Variants in LAT2 observed in about 807,000 individuals in gnomAD.
The protein encoded by LAT2 is linker for activation of T-cells family member 2.
LAT2 carries 23 observed loss-of-function variants against 43.4 expected under a neutral mutation model. The ratio of observed to expected loss-of-function variants is 0.53; its 90% CI spans 0.38 to 0.75. LAT2 has a LOEUF of 0.75. Ranked by LOEUF, LAT2 falls within the 30% of genes least tolerant of loss-of-function variation. The probability of loss-of-function intolerance (pLI) is 0.00; values close to 1 mark genes in which losing one functional copy is unlikely to be tolerated. For synonymous variants in LAT2, 128 were observed against 123.2 expected (o/e 1.04, Z -0.26); for missense variants, 284 against 310.2 (o/e 0.92, Z 0.64).
chr7:74,223,400 G>A (rs1275379247), intron 10 of LAT2, among the ~76,000 whole-genome samples: 8 of 152,314 alleles, frequency 5.3e-5, no homozygotes, highest in Admixed American at 3.9e-4. Flanking sequence ...TGCGGGGTAG[G>A]AAGATCGTTT....
intron 9 of LAT2, 66 bp from the exon 10 acceptor site, chr7:74,221,571 T>G (rs1554715264): frequency 4.4e-6 from 6 of 1,349,942 alleles, no homozygotes; most frequent in Non-Finnish European, 5.2e-6. Context: ...ACCGCCCCCT[T>G]ATGGAGCCCC....
intron 3 of LAT2, 73 bp from the exon 4 acceptor site, chr7:74,216,752 C>A: frequency 1.5e-6 from 2 of 1,308,682 alleles, no homozygotes; most frequent in Non-Finnish European, 2.2e-6. Context: ...GGAGACAAGA[C>A]ATGGCGGGGG....
rs1473384437 is a variant in LAT2 at position 74,216,026 on chromosome 7, G to A, written c.51G>A (p.Leu17=). Residue 17 remains leucine, a synonymous_variant, in exon 3 of 14, where the codon CTG becomes CTA. Coordinates refer to ENST00000460943, the MANE Select transcript of LAT2 (RefSeq NM_032464.3). ...GGCCCGGAGCAGCGCTGCTGGTGCT[G>A]TTGGGGGTGGCAGCCAGTCTGTGTG... ...LLWPGAALLV[L]LGVAASLCVR... is the part of the protein sequence containing the mutation. The A allele has an allele frequency of 2.5e-6, 4 of 1,613,622 alleles. No individual in the cohort carries two copies. Among genetic ancestry groups the A allele is most frequent in the African/African-American group, 2.7e-5 (2 of 74,920 alleles).
In LAT2 at chr7:74,215,928, C is replaced by A. The variant is rs367737720; in HGVS notation, c.-29-19C>A. ...TCCTGAAAAAGGGGCCCCTTGCTCACGGGCACCTCCCATTTCAGCATCACA... is the reference window on the plus strand; with the variant it reads ...TCCTGAAAAAGGGGCCCCTTGCTCAAGGGCACCTCCCATTTCAGCATCACA... On this transcript the variant is annotated intron_variant, in intron 2 of 13. Transcript: ENST00000460943. The A allele has an allele frequency of 1.3e-6, 2 of 1,566,326 alleles. No individual in the cohort carries two copies. The highest frequency in any genetic ancestry group is 1.8e-6 in the Non-Finnish European group (2 of 1,137,082).
chr7:74,214,540 AT>A lies in LAT2; in HGVS notation c.-218-281del. Among the ~76,000 whole-genome samples, 2 of 4,898 alleles carry A rather than the reference AT, an allele frequency of 4.1e-4. 1 individual carries two copies. The highest frequency in any genetic ancestry group is 0.037 in the South Asian group (2 of 54). The allele number at this position is 4,898 out of a possible 152,430, so 3.2% of individuals were successfully genotyped here. On this transcript the variant is annotated intron_variant, in intron 1 of 13. Transcript: ENST00000460943. ...AATATATATAAATATATATATGAAT[AT>A]ATATATATATATATGAAAATATATA... is the stretch of plus-strand genomic sequence containing the variant.
In LAT2 at chr7:74,228,523, C is replaced by T. The variant is rs148647813; in HGVS notation, c.*19-421C>T. Among the ~76,000 whole-genome samples, 24 of 148,704 alleles carry T rather than the reference C, an allele frequency of 1.6e-4. 1 individual carries two copies. The East Asian group carries it at 4.6e-3, about 28-fold the overall frequency. On this transcript the variant is annotated intron_variant, in intron 13 of 13. Coordinates refer to ENST00000460943, the MANE Select transcript of LAT2 (RefSeq NM_032464.3). ...AAAATGGGCCAGGCGTGGTGGCTCACGCCTGTAATCCCAGCACTTTGGGAA... is the reference window on the plus strand; with the variant it reads ...AAAATGGGCCAGGCGTGGTGGCTCATGCCTGTAATCCCAGCACTTTGGGAA...
intron 4 of LAT2, among the ~76,000 whole-genome samples, chr7:74,217,847 C>A (rs567544038): frequency 2.0e-5 from 3 of 152,340 alleles, no homozygotes; most frequent in Admixed American, 6.5e-5. Flanking sequence ...ACACGCACAC[C>A]CGCACACACA....
Position 74,220,228 on chromosome 7 carries a change from T to G in LAT2, c.239T>G (p.Leu80Arg), listed in dbSNP as rs1554714935. The G allele has an allele frequency of 6.2e-7, 1 of 1,611,206 alleles. No individual in the cohort carries two copies. ...ADMAPTRKDK[L>R]LQFYPSLEDP... is the part of the protein sequence containing the mutation. ...CCCCCTCCCTGCAGGAAGGACAAGC[T>G]GTTGCAATTCTACCCCAGCCTGGAG... The change falls in exon 7 of 14, where the codon CTG (leucine) becomes CGG (arginine). Residue 80 changes from leucine (L) to arginine (R), a missense_variant. Transcript: ENST00000460943. The surrounding 1 kb of genome is among the most constrained non-coding windows in gnomAD (Gnocchi z 4.5).
chr7:74,224,407 G>C (rs929368658), intron 12 of LAT2, among the ~76,000 whole-genome samples: 10 of 152,192 alleles, frequency 6.6e-5, no homozygotes, highest in African/African-American at 2.4e-4. Flanking sequence ...AGGTCCTCCC[G>C]GGCAGGCCGC....
Position 74,220,119 on chromosome 7 carries a change from C to G in LAT2, c.228-98C>G. 1 of 1,563,776 alleles carries G rather than the reference C, an allele frequency of 6.4e-7. No individual in the cohort carries two copies. Among genetic ancestry groups the G allele is most frequent in the Admixed American group, 1.8e-5 (1 of 56,790 alleles). On this transcript the variant is annotated intron_variant, in intron 6 of 13. Transcript: ENST00000460943. This position sits in a 1 kb window ranked among gnomAD's most constrained non-coding sequence, Gnocchi z 4.5. ...CCCCGAGTCCCAGAGCTCCAGGGCTCAGCTATGAAGGCCCCACAAGGGGTA... is the reference window on the plus strand; with the variant it reads ...CCCCGAGTCCCAGAGCTCCAGGGCTGAGCTATGAAGGCCCCACAAGGGGTA...
chr7:74,222,230 CAAAAAA>C (rs113312443), intron 10 of LAT2, among the ~76,000 whole-genome samples: 5 of 65,594 alleles, frequency 7.6e-5, no homozygotes, highest in South Asian at 4.8e-4. Context: ...TACAAAAATA[CAAAAAA>C]AAAAAAAAAA....
chr7:74,220,335 C>T lies in LAT2; in HGVS notation c.265+81C>T, dbSNP rs143161436. On this transcript the variant is annotated intron_variant, in intron 7 of 13. Coordinates refer to ENST00000460943, the MANE Select transcript of LAT2 (RefSeq NM_032464.3). This position sits in a 1 kb window ranked among gnomAD's most constrained non-coding sequence, Gnocchi z 4.5. ...GGCGAAAACCCCATGGGACAGGCGT[C>T]GTGCAGTGGGGGCTGCGGGGCCAGG... is the stretch of plus-strand genomic sequence containing the variant. The T allele has an allele frequency of 8.3e-5, 123 of 1,486,222 alleles. 1 individual carries two copies. The highest frequency in any genetic ancestry group is 7.3e-4 in the African/African-American group (53 of 72,204). The allele number at this position is 1,486,222 out of a possible 1,614,324, so 92.1% of individuals were successfully genotyped here. A position where few individuals can be genotyped will look rare whatever the true frequency, so the allele number is the denominator to read the frequency against.
rs1255664411 is a variant in LAT2 at position 74,214,126 on chromosome 7, A to G, written c.-218-696A>G. 1.0e-4 allele frequency among the ~76,000 whole-genome samples: 6 copies of G among 59,200 alleles called. 1 individual carries two copies. The highest frequency in any genetic ancestry group is 4.3e-4 in the South Asian group (1 of 2,324). 38.8% of individuals were successfully genotyped at this position (59,200 alleles called of 152,430 possible). Reference sequence around the variant, plus strand: ...AATATATATATGAAAATATATATATAAATATATATATGAAAATATATATAA... The same window carrying G: ...AATATATATATGAAAATATATATATGAATATATATATGAAAATATATATAA... On this transcript the variant is annotated intron_variant, in intron 1 of 13. Transcript: ENST00000460943.
intron 4 of LAT2, among the ~76,000 whole-genome samples, chr7:74,218,115 GT>G (rs1802108941): frequency 6.6e-6 from 1 of 152,028 alleles, no homozygotes; most frequent in Non-Finnish European, 1.5e-5. Flanking sequence ...CAGACTCAGC[GT>G]CCCCATGTGG....
intron 3 of LAT2, 76 bp downstream of exon 3, chr7:74,216,145 G>A (rs983851085): frequency 1.5e-5 from 19 of 1,271,652 alleles, no homozygotes; most frequent in East Asian, 1.4e-4. Context: ...AGGCCCAGAC[G>A]TGGCTGTGGT....
intron 1 of LAT2, 31 bp from the exon 2 acceptor site, chr7:74,214,786 TATATA>T (rs1563968834): frequency 5.6e-4 from 49 of 87,960 alleles, no homozygotes; most frequent in Non-Finnish European, 9.0e-4. Context: ...AATATATATA[TATATA>T]TTTTTTTTTT....
In LAT2 at chr7:74,220,434, G is replaced by A. The variant is rs1404879995; in HGVS notation, c.266-150G>A. On this transcript the variant is annotated intron_variant, in intron 7 of 13. Coordinates refer to ENST00000460943, the MANE Select transcript of LAT2 (RefSeq NM_032464.3). The surrounding 1 kb of genome is among the most constrained non-coding windows in gnomAD (Gnocchi z 4.5). ...GGAATCGGCCTGGCAGGGGGAGGGT[G>A]CACACTCGCACATGCCCCACTGAGG... 6 of 1,200,584 alleles carry A rather than the reference G, an allele frequency of 5.0e-6. No individual in the cohort carries two copies. Among genetic ancestry groups the A allele is most frequent in the African/African-American group, 3.0e-5 (2 of 66,814 alleles). The allele number at this position is 1,200,584 out of a possible 1,614,324, so 74.4% of individuals were successfully genotyped here. A position where few individuals can be genotyped will look rare whatever the true frequency, so the allele number is the denominator to read the frequency against.
intron 10 of LAT2, among the ~76,000 whole-genome samples, chr7:74,221,978 G>A (rs1200341294): frequency 1.3e-5 from 2 of 152,022 alleles, no homozygotes; most frequent in Non-Finnish European, 1.5e-5. Flanking sequence ...CCAGGTCCTT[G>A]TCAACGAGGA....
At chr7:74,226,474 G>C (rs1206722076) in intron 13 of LAT2, 1 of 152,620 alleles carries the variant, frequency 6.6e-6, no homozygotes, top group Non-Finnish European at 1.5e-5. Flanking sequence ...CTGGGCAACA[G>C]AGCAAGACCC....
Sources: gnomAD v4.1 joint callset for allele counts (sites outside exome capture counted in the v4.1 genomes callset) on GRCh38, gnomAD v4.1.1 for gene constraint, Gnocchi (gnomAD v3.1) non-coding constraint, MANE v1.5 for transcripts, NCBI Gene and HGNC (gene_info 2026-07-23, HGNC 2026-07-21) for gene names.